The following ATP10B variants were observed in gnomAD, a reference collection of about 807,000 sequenced individuals.
The protein encoded by ATP10B is phospholipid-transporting ATPase VB.
A neutral mutation model predicts 141.2 loss-of-function variants in ATP10B; 122 were observed. That is an observed-to-expected ratio of 0.86 (90% CI 0.75 to 1.00). The LOEUF is 1.00. ATP10B is among the 50% of genes least tolerant of loss of function. The pLI is 0.00. For synonymous variants in ATP10B, 685 were observed against 692.0 expected (o/e 0.99, Z 0.16); for missense variants, 1,876 against 1,825.3 (o/e 1.03, Z -0.51).
At chr5:160,671,749 A>G (rs1428283247) in intron 6 of ATP10B, among the ~76,000 whole-genome samples, 3 of 152,134 alleles carry the variant, frequency 2.0e-5, no homozygotes, top group Non-Finnish European at 4.4e-5. Flanking sequence ...TTGCATAATA[A>G]CCCACAGGAG....
At position 160,670,500 on chromosome 5, in the gene ATP10B, A is replaced by C; in HGVS notation, c.638T>G (p.Leu213Arg). ...GCCCTTCACGACACATCTTTGCTTG[A>C]GGTTTGTCTCTCCATCCAAGCTGGC... is the stretch of plus-strand genomic sequence containing the variant. ...ETASLDGETN[L>R]KQRCVVKGFS... The change falls in exon 7 of 26, where the codon CTC becomes CGC. Residue 213 changes from leucine to arginine, a missense_variant. Transcript: ENST00000327245. The C allele has an allele frequency of 5.0e-6, 8 of 1,613,944 alleles. No homozygotes were observed. Among genetic ancestry groups the C allele is most frequent in the Non-Finnish European group, 6.8e-6 (8 of 1,179,970 alleles).
At chr5:160,851,085 T>G (rs543615673) in intron 1 of ATP10B, among the ~76,000 whole-genome samples, 2 of 152,274 alleles carry the variant, frequency 1.3e-5, no homozygotes, top group Middle Eastern at 3.4e-3. Context: ...AGTAGCAGAG[T>G]GCCAGATTGG....
chr5:160,742,307 C>G (rs1230104403), intron 2 of ATP10B, among the ~76,000 whole-genome samples: 3 of 152,102 alleles, frequency 2.0e-5, no homozygotes, highest in Non-Finnish European at 2.9e-5. Context: ...GACATCCCCC[C>G]TAATGCTGTT....
chr5:160,701,499 G>A (rs562359758), intron 3 of ATP10B, among the ~76,000 whole-genome samples: 1 of 152,098 alleles, frequency 6.6e-6, no homozygotes, highest in Non-Finnish European at 1.5e-5. Flanking sequence ...TCCCATTTTA[G>A]CCCTTAGTTC....
At chr5:160,915,291 A>G in the ATP10B span, among the ~76,000 whole-genome samples, 8 of 151,364 alleles carry the variant, frequency 5.3e-5, no homozygotes, top group Non-Finnish European at 1.2e-4. Context: ...AGGATGAGGT[A>G]TTCTCCCCAC....
At chr5:160,855,604 A>G (rs1753975080), upstream of ATP10B, among the ~76,000 whole-genome samples, 1 of 151,896 alleles carries the variant, frequency 6.6e-6, no homozygotes, top group East Asian at 1.9e-4. Flanking sequence ...TACACAGATC[A>G]AAAGGTTTAT....
chr5:160,741,679 T>C (rs1313693042), intron 2 of ATP10B, among the ~76,000 whole-genome samples: 1 of 152,212 alleles, frequency 6.6e-6, no homozygotes, highest in Admixed American at 6.5e-5. Context: ...TTAGTGTCTT[T>C]ATAAGCAATT....
At chr5:160,706,620 A>G (rs570797978) in intron 3 of ATP10B, among the ~76,000 whole-genome samples, 8 of 152,322 alleles carry the variant, frequency 5.3e-5, no homozygotes, top group African/African-American at 1.9e-4. Flanking sequence ...TTGTTTAAAA[A>G]TAACCTTTTT....
chr5:160,921,068 C>T, the ATP10B span, among the ~76,000 whole-genome samples: 1 of 152,164 alleles, frequency 6.6e-6, no homozygotes, highest in Non-Finnish European at 1.5e-5. Flanking sequence ...ACCTTCCCCG[C>T]TATGGTCCCA....
At chr5:160,780,475 CTT>C (rs1414279283) in intron 2 of ATP10B, among the ~76,000 whole-genome samples, 4 of 152,148 alleles carry the variant, frequency 2.6e-5, no homozygotes, top group African/African-American at 7.2e-5. Flanking sequence ...TATGTTCAGA[CTT>C]AAACATCTAG....
intron 2 of ATP10B, among the ~76,000 whole-genome samples, chr5:160,767,408 C>A (rs1332990999): frequency 6.6e-6 from 1 of 152,086 alleles, no homozygotes; most frequent in African/African-American, 2.4e-5. Context: ...ATATTTTCAT[C>A]CCCTTTTTCC....
At chr5:160,837,862 C>T (rs1403018390) in intron 1 of ATP10B, among the ~76,000 whole-genome samples, 5 of 152,106 alleles carry the variant, frequency 3.3e-5, no homozygotes, top group Admixed American at 6.6e-5. Context: ...CACCAAGACA[C>T]AATAACAATT....
chr5:160,652,793 TATA>T (rs1760869038), intron 7 of ATP10B, among the ~76,000 whole-genome samples: 1 of 98,694 alleles, frequency 1.0e-5, no homozygotes, highest in African/African-American at 4.5e-5. Flanking sequence ...TATAAAAATA[TATA>T]ATATATTATA....
At chr5:160,885,998 T>C in the ATP10B span, among the ~76,000 whole-genome samples, 1 of 152,174 alleles carries the variant, frequency 6.6e-6, no homozygotes, top group Non-Finnish European at 1.5e-5. Context: ...CAATATATAT[T>C]GGTTAAATGT....
chr5:160,841,311 G>A (rs1775794276), intron 1 of ATP10B, among the ~76,000 whole-genome samples: 1 of 151,990 alleles, frequency 6.6e-6, no homozygotes, highest in Non-Finnish European at 1.5e-5. Flanking sequence ...AAAGCAAATT[G>A]CAAAGAAGCT....
intron 24 of ATP10B, among the ~76,000 whole-genome samples, chr5:160,579,834 ATTTC>A (rs1187238192): frequency 6.6e-6 from 1 of 152,188 alleles, no homozygotes; most frequent in East Asian, 1.9e-4. Context: ...GTCCTCTCTT[ATTTC>A]TTTGACCAGT....
chr5:160,860,345 A>G, the ATP10B span, among the ~76,000 whole-genome samples: 5 of 152,000 alleles, frequency 3.3e-5, no homozygotes, highest in African/African-American at 7.2e-5. Flanking sequence ...TATCTAGTAA[A>G]TGTCACATTG....
At chr5:160,608,428 C>A (rs964464399) in intron 18 of ATP10B, among the ~76,000 whole-genome samples, 4 of 152,080 alleles carry the variant, frequency 2.6e-5, no homozygotes, top group Non-Finnish European at 5.9e-5. Context: ...GATTTATAAT[C>A]CTTTGGGTAT....
rs147544135 is a variant in ATP10B at position 160,744,391 on chromosome 5, A to G, written c.-330-27357T>C. On this transcript the variant is annotated intron_variant, in intron 2 of 25. Coordinates refer to ENST00000327245, the MANE Select transcript of ATP10B (RefSeq NM_025153.3). ...TCTCCCTTTCCCGGAGACAGCAGAC[A>G]AGGTTGTTTCTATCTGGCTGGGGAC... Among the ~76,000 whole-genome samples the G allele has an allele frequency of 2.1e-3, 323 of 152,268 alleles. 1 individual carries two copies. Among genetic ancestry groups the G allele is most frequent in the African/African-American group, 7.3e-3 (304 of 41,568 alleles).
Sources: allele counts gnomAD v4.1 joint callset (sites outside exome capture counted in the v4.1 genomes callset), GRCh38; gene constraint gnomAD v4.1.1; transcripts MANE v1.5; gene names NCBI Gene and HGNC (gene_info 2026-07-23, HGNC 2026-07-21).